Variants in OLA1 observed in about 807,000 individuals in gnomAD.
OLA1 encodes the protein obg-like ATPase 1.
OLA1 carries 14 observed loss-of-function variants against 48.4 expected under a neutral mutation model. The observed-to-expected ratio is 0.29, with a 90% CI of 0.19 to 0.45. The LOEUF (loss-of-function observed/expected upper bound fraction) is 0.45, where lower values mean the gene tolerates loss of function less well. OLA1 is among the 20% of genes least tolerant of loss of function. OLA1 has a pLI of 1.00. For missense variants in OLA1, 325 were observed against 467.1 expected, an observed-to-expected ratio of 0.70 and a Z score of 2.80; for synonymous variants, 127 against 150.4, an observed-to-expected ratio of 0.84 and a Z score of 1.14.
rs536889546 is a variant in OLA1, at chr2:174,231,445, G to A, written c.102-1994C>T. Among the ~76,000 whole-genome samples, 10 of 152,066 alleles carry A rather than the reference G, an allele frequency of 6.6e-5. No individual in the cohort carries two copies. In the South Asian group the frequency reaches 1.7e-3, roughly 25 times the overall value. On this transcript the variant is annotated intron_variant, in intron 2 of 10. Transcript: ENST00000284719. ...AAAACTGCTCATTACTATTACCACA[G>A]TCAGCTGCAATTCTAAAAAGGCCAT...
chr2:174,158,402 C>T (rs1686936405), intron 4 of OLA1, among the ~76,000 whole-genome samples: 1 of 151,506 alleles, frequency 6.6e-6, no homozygotes, highest in Non-Finnish European at 1.5e-5. Context: ...TCTTGGTGGG[C>T]GACAGACAGT....
At chr2:174,131,989 G>T (rs997499965) in intron 5 of OLA1, among the ~76,000 whole-genome samples, 2 of 151,992 alleles carry the variant, frequency 1.3e-5, no homozygotes, top group East Asian at 3.9e-4. Flanking sequence ...AGTCATCTGG[G>T]TCAGGACATT....
At chr2:174,163,756 A>T (rs1295224149) in intron 4 of OLA1, among the ~76,000 whole-genome samples, 1 of 39,636 alleles carries the variant, frequency 2.5e-5, no homozygotes, top group Admixed American at 2.5e-4. Flanking sequence ...ATATATATAT[A>T]TATATATATA....
chr2:174,202,116 T>C (rs559283883), intron 4 of OLA1, among the ~76,000 whole-genome samples: 2 of 152,270 alleles, frequency 1.3e-5, no homozygotes, highest in African/African-American at 4.8e-5. Flanking sequence ...ATGTCATGAA[T>C]GCATAAAAAT....
At chr2:174,238,935 T>C (rs1160582377) in intron 2 of OLA1, among the ~76,000 whole-genome samples, 1 of 151,974 alleles carries the variant, frequency 6.6e-6, no homozygotes, top group Non-Finnish European at 1.5e-5. Context: ...TCACCAAATA[T>C]GGGCAATTAG....
chr2:174,126,678 G>A (rs1479184612), intron 5 of OLA1, among the ~76,000 whole-genome samples: 1 of 152,154 alleles, frequency 6.6e-6, no homozygotes, highest in Non-Finnish European at 1.5e-5. Flanking sequence ...GGAGTGTTGT[G>A]AAGATTAAAA....
chr2:174,230,230 G>C (rs1179583874), intron 2 of OLA1, among the ~76,000 whole-genome samples: 1 of 151,942 alleles, frequency 6.6e-6, no homozygotes, highest in Non-Finnish European at 1.5e-5. Context: ...AATAAAATAT[G>C]ATAATACGGT....
chr2:174,230,637 G>C (rs1230599541), intron 2 of OLA1, among the ~76,000 whole-genome samples: 1 of 152,042 alleles, frequency 6.6e-6, no homozygotes, highest in African/African-American at 2.4e-5. Context: ...GAAATATAGA[G>C]GACAGAAGAA....
intron 7 of OLA1, among the ~76,000 whole-genome samples, chr2:174,091,290 C>T (rs1050919414): frequency 3.3e-5 from 5 of 152,276 alleles, no homozygotes; most frequent in Admixed American, 2.6e-4. Flanking sequence ...AGAGAAAGGG[C>T]AGGGAGAACA....
chr2:174,087,392 T>G (rs1042605354), intron 7 of OLA1, among the ~76,000 whole-genome samples: 1 of 152,128 alleles, frequency 6.6e-6, no homozygotes, highest in African/African-American at 2.4e-5. Flanking sequence ...TTGTTTCTGG[T>G]GTTTCTACGT....
intron 10 of OLA1, among the ~76,000 whole-genome samples, chr2:174,078,662 T>C (rs911732171): frequency 1.3e-5 from 2 of 151,950 alleles, no homozygotes; most frequent in Non-Finnish European, 2.9e-5. Flanking sequence ...CAATTTTTCA[T>C]TGGCCATGAG....
chr2:174,161,667 T>C (rs988901658), intron 4 of OLA1, among the ~76,000 whole-genome samples: 1 of 122,918 alleles, frequency 8.1e-6, no homozygotes, highest in African/African-American at 3.0e-5. Flanking sequence ...TTTGTCTCTT[T>C]AAAAAAAAAA....
intron 4 of OLA1, among the ~76,000 whole-genome samples, chr2:174,179,867 T>G (rs1228937399): frequency 6.6e-6 from 1 of 152,074 alleles, no homozygotes; most frequent in African/African-American, 2.4e-5. Flanking sequence ...AACTTTTCAC[T>G]TGCAAGTCAC....
In OLA1 at chr2:174,073,923, T is replaced by C. The variant is rs1422583012; in HGVS notation, c.*1503A>G. 1 of 152,236 alleles carries C rather than the reference T, an allele frequency of 6.6e-6. No individual in the cohort carries two copies. Among genetic ancestry groups the C allele is most frequent in the Non-Finnish European group, 1.5e-5 (1 of 68,036 alleles). The allele number at this position is 152,236 out of a possible 1,614,324, so 9.4% of individuals were successfully genotyped here. ...AACCCTTCATTAGTTTTATTCTTAT[T>C]TCTCTGCTGTAGTTTACTCATTTTT... is the stretch of plus-strand genomic sequence containing the variant. On this transcript the variant is annotated 3_prime_UTR_variant, in exon 11 of 11. Transcript: ENST00000284719.
At chr2:174,122,726 CCA>C (rs937501917) in intron 7 of OLA1, among the ~76,000 whole-genome samples, 2 of 151,134 alleles carry the variant, frequency 1.3e-5, no homozygotes, top group African/African-American at 4.9e-5. Context: ...TGGTCTTTCC[CCA>C]CACACAGTCT....
At chr2:174,112,354 T>G (rs1216774405) in intron 7 of OLA1, among the ~76,000 whole-genome samples, 1 of 152,226 alleles carries the variant, frequency 6.6e-6, no homozygotes, top group Non-Finnish European at 1.5e-5. Flanking sequence ...TGGGTAATAA[T>G]GGCACCTACT....
At position 174,129,549 on chromosome 2, in the gene OLA1, C is replaced by T. The variant is rs984337523; in HGVS notation, c.550-5874G>A. 8.6e-5 allele frequency among the ~76,000 whole-genome samples: 13 copies of T among 151,058 alleles called. No individual in the cohort carries two copies. In the East Asian group the frequency reaches 2.1e-3, roughly 25 times the overall value. On this transcript the variant is annotated intron_variant, in intron 5 of 10. Transcript: ENST00000284719. ...TGTGATTCCATTTATGGTTTTGAAA[C>T]TATATATAATATATATAAATAGACA...
chr2:174,089,500 T>C (rs1685057396), intron 7 of OLA1, among the ~76,000 whole-genome samples: 1 of 152,190 alleles, frequency 6.6e-6, no homozygotes, highest in South Asian at 2.1e-4. Flanking sequence ...AAGGAAAATG[T>C]CACCAAAATT....
chr2:174,102,426 G>A (rs1435243763), intron 7 of OLA1, among the ~76,000 whole-genome samples: 2 of 151,592 alleles, frequency 1.3e-5, no homozygotes, highest in East Asian at 3.9e-4. Context: ...AGAAATGAAA[G>A]GCTAATAAGC....
Sources: allele counts gnomAD v4.1 joint callset (sites outside exome capture counted in the v4.1 genomes callset), GRCh38; gene constraint gnomAD v4.1.1; transcripts MANE v1.5; gene names NCBI Gene and HGNC (gene_info 2026-07-23, HGNC 2026-07-21).